The following SPART variants were observed in gnomAD, a reference collection of about 807,000 sequenced individuals.
The protein encoded by SPART is spastic paraplegia 20 (Troyer syndrome).
SPART carries 35 observed loss-of-function variants against 58.7 expected under a neutral mutation model. The ratio of observed to expected loss-of-function variants is 0.60; its 90% CI spans 0.46 to 0.79. SPART has a LOEUF of 0.79. Ranked by LOEUF, SPART falls within the 30% of genes least tolerant of loss-of-function variation. The pLI, the probability that SPART is intolerant of heterozygous loss-of-function variation, is 0.00. For synonymous variants in SPART, 284 were observed against 280.7 expected (o/e 1.01, Z -0.12); for missense variants, 730 against 786.1 (o/e 0.93, Z 0.85).
intron 2 of SPART, 64 bp downstream of exon 2, chr13:36,334,957 A>G: frequency 7.4e-7 from 1 of 1,354,372 alleles, no homozygotes; most frequent in Non-Finnish European, 1.0e-6. Flanking sequence ...CATAAACATT[A>G]ACAAATAAAA....
At position 36,321,427 on chromosome 13, in the gene SPART, T is replaced by C. The variant is rs566115615; in HGVS notation, c.1288+5148A>G. On this transcript the variant is annotated intron_variant, in intron 5 of 8. Transcript: ENST00000438666. ...TGAGTCGTCCCAATTCTTAGACCTT[T>C]TATACCTGTTTTTCTCCTTCTGTTA... Among the ~76,000 whole-genome samples, 11 of 152,320 alleles carry C rather than the reference T, an allele frequency of 7.2e-5. No homozygotes were observed. The South Asian group carries it at 2.3e-3, about 32-fold the overall frequency.
chr13:36,344,729 T>C (rs945593508), intron 1 of SPART, among the ~76,000 whole-genome samples: 3 of 152,178 alleles, frequency 2.0e-5, no homozygotes, highest in Admixed American at 2.0e-4. Context: ...TCAAGTGTCC[T>C]GAAAAGATAA....
Position 36,360,452 on chromosome 13 carries a change from A to C in SPART, c.-3+9637T>G, listed in dbSNP as rs145929277. Among the ~76,000 whole-genome samples the C allele has an allele frequency of 1.6e-3, 249 of 151,944 alleles. 1 individual carries two copies. Among genetic ancestry groups the C allele is most frequent in the African/African-American group, 5.8e-3 (242 of 41,432 alleles). ...GTCTTTCAGATTTGGGGATTAGGTAACTAATCCCCAGATGACACTAGGAGC... is the reference window on the plus strand; with the variant it reads ...GTCTTTCAGATTTGGGGATTAGGTACCTAATCCCCAGATGACACTAGGAGC... On this transcript the variant is annotated intron_variant, in intron 1 of 8. Transcript: ENST00000355182.
chr13:36,310,230 G>T (rs754589533), intron 8 of SPART, among the ~76,000 whole-genome samples: 4 of 152,092 alleles, frequency 2.6e-5, no homozygotes, highest in Non-Finnish European at 5.9e-5. Context: ...TCAATAAGTG[G>T]ATAATTAACA....
chr13:36,352,009 C>T (rs1885430440), intron 1 of SPART, among the ~76,000 whole-genome samples: 1 of 152,058 alleles, frequency 6.6e-6, no homozygotes, highest in Non-Finnish European at 1.5e-5. Context: ...ATGATATAAC[C>T]GAATTGCTCC....
intron 2 of SPART, among the ~76,000 whole-genome samples, chr13:36,334,094 G>C (rs1391492811): frequency 6.6e-6 from 1 of 152,150 alleles, no homozygotes; most frequent in Non-Finnish European, 1.5e-5. Context: ...TTGGACTGTG[G>C]ACAAAACATC....
intron 8 of SPART, among the ~76,000 whole-genome samples, chr13:36,308,937 T>C (rs1880792043): frequency 6.6e-6 from 1 of 152,164 alleles, no homozygotes; most frequent in African/African-American, 2.4e-5. Flanking sequence ...GTTTTATCTC[T>C]CAACTCTTGG....
At chr13:36,320,480 GC>G (rs1882259811) in intron 5 of SPART, among the ~76,000 whole-genome samples, 1 of 152,146 alleles carries the variant, frequency 6.6e-6, no homozygotes, top group African/African-American at 2.4e-5. Context: ...GGCAGGCTAT[GC>G]TATAGTACAA....
chr13:36,357,107 G>A (rs569128183), intron 1 of SPART, among the ~76,000 whole-genome samples: 5 of 152,236 alleles, frequency 3.3e-5, no homozygotes, highest in African/African-American at 1.2e-4. Flanking sequence ...TGCCCTGGGG[G>A]TCCAGGTAAC....
At chr13:36,323,464 CTT>C (rs139858423) in intron 5 of SPART, among the ~76,000 whole-genome samples, 10 of 152,050 alleles carry the variant, frequency 6.6e-5, no homozygotes, top group Non-Finnish European at 1.2e-4. Context: ...GGTTGTTTTA[CTT>C]TTTTTACCTT....
chr13:36,357,436 C>T (rs146597710), intron 1 of SPART, among the ~76,000 whole-genome samples: 1 of 152,272 alleles, frequency 6.6e-6, no homozygotes, highest in African/African-American at 2.4e-5. Context: ...TCGGAAAAAG[C>T]CCCTGAGGCC....
intron 1 of SPART, among the ~76,000 whole-genome samples, chr13:36,342,762 G>T (rs572233487): frequency 6.6e-6 from 1 of 152,050 alleles, no homozygotes; most frequent in Non-Finnish European, 1.5e-5. Flanking sequence ...AGTCTTCCAT[G>T]GGACATACAC....
chr13:36,345,635 A>G (rs967473184), intron 1 of SPART: 19 of 152,232 alleles, frequency 1.2e-4, no homozygotes, highest in African/African-American at 4.3e-4. Context: ...TGCGCATTCC[A>G]AGAGAAACTT....
rs1885730098 is a variant in SPART at position 36,358,955 on chromosome 13, G to GGAA, written c.-3+11131_-3+11133dup. Among the ~76,000 whole-genome samples the GGAA allele has an allele frequency of 2.0e-5, 3 of 152,210 alleles. No individual in the cohort carries two copies. The South Asian group carries it at 6.2e-4, about 32-fold the overall frequency. On this transcript the variant is annotated intron_variant, in intron 1 of 8. Transcript: ENST00000355182. ...TAAATATTGTTTTGGGGGGCCAAGTGGAAGGTCTTCTGCTGACTGTTTTTT... is the reference window on the plus strand; with the variant it reads ...TAAATATTGTTTTGGGGGGCCAAGTGGAAGAAGGTCTTCTGCTGACTGTTTTTT...
intron 6 of SPART, among the ~76,000 whole-genome samples, chr13:36,312,929 T>A (rs1019823982): frequency 6.6e-6 from 1 of 151,900 alleles, no homozygotes; most frequent in Non-Finnish European, 1.5e-5. Flanking sequence ...AGCGTATTCA[T>A]ATTTTTCTAC....
intron 1 of SPART, among the ~76,000 whole-genome samples, chr13:36,351,719 T>C (rs1207315900): frequency 6.6e-6 from 1 of 152,242 alleles, no homozygotes; most frequent in Non-Finnish European, 1.5e-5. Context: ...GACTTTTGTG[T>C]AGAAGCCTGT....
At chr13:36,331,960 T>A (rs1333504363) in intron 2 of SPART, among the ~76,000 whole-genome samples, 1 of 152,206 alleles carries the variant, frequency 6.6e-6, no homozygotes, top group Non-Finnish European at 1.5e-5. Flanking sequence ...TTGTGGTAAA[T>A]AAACTATTTT....
chr13:36,358,526 A>G (rs191452174), intron 1 of SPART, among the ~76,000 whole-genome samples: 1 of 152,308 alleles, frequency 6.6e-6, no homozygotes, highest in Admixed American at 6.5e-5. Flanking sequence ...GGCCATTTTT[A>G]AAACTCTCAT....
chr13:36,310,389 T>C (rs1162359523), intron 8 of SPART, among the ~76,000 whole-genome samples: 2 of 152,118 alleles, frequency 1.3e-5, no homozygotes, highest in Non-Finnish European at 2.9e-5. Context: ...CTTCTAGTAT[T>C]GTATAAAGAA....
Sources: gnomAD v4.1 joint callset for allele counts (sites outside exome capture counted in the v4.1 genomes callset) on GRCh38, gnomAD v4.1.1 for gene constraint, MANE v1.5 for transcripts, NCBI Gene and HGNC (gene_info 2026-07-23, HGNC 2026-07-21) for gene names.